Variants in TMEM164 observed in about 807,000 individuals in gnomAD.
TMEM164 encodes the protein RP13-360B22.2.
Under a neutral mutation model 18.8 loss-of-function variants are expected in TMEM164, and 4 were observed. That is an observed-to-expected ratio of 0.21 (90% confidence interval 0.10 to 0.49). The LOEUF is 0.49. Ranked by LOEUF, TMEM164 falls within the 20% of genes least tolerant of loss-of-function variation. TMEM164 has a pLI of 0.98. For missense variants in TMEM164, 108 were observed against 239.9 expected, an observed-to-expected ratio of 0.45 and a Z score of 3.63; for synonymous variants, 86 against 101.7, an observed-to-expected ratio of 0.85 and a Z score of 0.93.
chrX:110,037,499 T>C (rs1602511844), intron 2 of TMEM164, among the ~76,000 whole-genome samples: 1 of 112,093 alleles, frequency 8.9e-6, no homozygotes, highest in East Asian at 2.8e-4. Flanking sequence ...AGCTTCCAGT[T>C]ATTGTGTGCC....
intron 2 of TMEM164, among the ~76,000 whole-genome samples, chrX:110,030,013 T>C (rs1258739688): frequency 2.8e-5 from 3 of 109,032 alleles, no homozygotes; most frequent in African/African-American, 1.0e-4. Flanking sequence ...AAATTAGAAA[T>C]ATAGAAATAT....
At chrX:110,115,914 C>T (rs1235845070) in intron 4 of TMEM164, among the ~76,000 whole-genome samples, 2 of 110,945 alleles carry the variant, frequency 1.8e-5, no homozygotes, top group East Asian at 5.6e-4. Context: ...ACATATAAGA[C>T]CCTGTCTTTA....
chrX:110,005,698 G>C (rs1182909639), intron 2 of TMEM164, among the ~76,000 whole-genome samples: 1 of 112,312 alleles, frequency 8.9e-6, no homozygotes, highest in Non-Finnish European at 1.9e-5. Context: ...GTCCCAGCTA[G>C]ACCTTCTGTG....
intron 5 of TMEM164, among the ~76,000 whole-genome samples, chrX:110,156,586 T>TA (rs1334422863): frequency 5.4e-5 from 6 of 111,308 alleles, no homozygotes; most frequent in African/African-American, 9.8e-5. Context: ...GAGAGTGTCT[T>TA]AGTCTTTTTG....
At chrX:110,065,058 C>A (rs1440752066) in intron 2 of TMEM164, 1 of 104,442 alleles carries the variant, frequency 9.6e-6, no homozygotes, top group Non-Finnish European at 1.9e-5. Context: ...TAGAAATAGG[C>A]AAGACAGAAA....
At chrX:110,032,519 G>A (rs1046936424) in intron 2 of TMEM164, among the ~76,000 whole-genome samples, 2 of 111,212 alleles carry the variant, frequency 1.8e-5, no homozygotes, top group African/African-American at 6.5e-5. Flanking sequence ...GAAAAGCATA[G>A]AAAAGCAGAA....
At chrX:110,177,877 C>G (rs2148150467), downstream of TMEM164, 1 of 112,580 alleles carries the variant, frequency 8.9e-6, no homozygotes, top group African/African-American at 3.2e-5. Context: ...GCCCTCCGTA[C>G]TGTGGAAGAC....
intron 3 of TMEM164, among the ~76,000 whole-genome samples, chrX:110,088,244 A>C (rs1006768180): frequency 5.4e-5 from 6 of 111,757 alleles, no homozygotes; most frequent in African/African-American, 2.0e-4. Flanking sequence ...TGATTTTAGC[A>C]TCTCAGTACC....
At chrX:110,051,906 A>G (rs1357557288) in intron 2 of TMEM164, among the ~76,000 whole-genome samples, 2 of 112,402 alleles carry the variant, frequency 1.8e-5, no homozygotes, top group Non-Finnish European at 3.8e-5. Context: ...ACAGATGTTC[A>G]TGATTCAAGC....
At chrX:110,139,733 G>C (rs1221134775) in intron 4 of TMEM164, among the ~76,000 whole-genome samples, 1 of 111,456 alleles carries the variant, frequency 9.0e-6, no homozygotes, top group Non-Finnish European at 1.9e-5. Context: ...GGAATGTACT[G>C]AAGGAAGTGA....
At chrX:110,160,635 T>C (rs1344377826) in intron 5 of TMEM164, among the ~76,000 whole-genome samples, 7 of 112,185 alleles carry the variant, frequency 6.2e-5, no homozygotes, top group African/African-American at 2.3e-4. Context: ...GCTTCAAGTC[T>C]GCTGGGAAAT....
At chrX:110,026,752 A>G (rs1269164074) in intron 2 of TMEM164, among the ~76,000 whole-genome samples, 1 of 112,025 alleles carries the variant, frequency 8.9e-6, no homozygotes, top group Non-Finnish European at 1.9e-5. Context: ...TAGGCAGTTC[A>G]GAGACCATAA....
intron 2 of TMEM164, among the ~76,000 whole-genome samples, chrX:110,038,100 C>T (rs1408996140): frequency 1.9e-5 from 2 of 105,343 alleles, no homozygotes; most frequent in Admixed American, 1.0e-4. Flanking sequence ...ACGCCATTCT[C>T]CTGCCTCAGC....
At chrX:110,121,248 G>C (rs1326157626) in intron 4 of TMEM164, among the ~76,000 whole-genome samples, 1 of 111,925 alleles carries the variant, frequency 8.9e-6, no homozygotes, top group East Asian at 2.8e-4. Context: ...ACAATTCAGT[G>C]GTTTTTAATA....
chrX:110,137,840 C>T (rs1388440947), intron 4 of TMEM164, among the ~76,000 whole-genome samples: 1 of 112,152 alleles, frequency 8.9e-6, no homozygotes, highest in Non-Finnish European at 1.9e-5. Flanking sequence ...TTTTGGTCAA[C>T]AGTATGAAAG....
At chrX:110,057,059 T>C (rs1935874057) in intron 2 of TMEM164, among the ~76,000 whole-genome samples, 1 of 110,863 alleles carries the variant, frequency 9.0e-6, no homozygotes, top group Non-Finnish European at 1.9e-5. Context: ...TCTATTCTTA[T>C]AGCAAATTTT....
intron 2 of TMEM164, among the ~76,000 whole-genome samples, chrX:110,048,172 G>A (rs749861191): frequency 9.1e-6 from 1 of 109,292 alleles, no homozygotes; most frequent in East Asian, 2.8e-4. Context: ...CCAGGCAAAA[G>A]GAACTACTTT....
At chrX:110,124,265 G>A (rs906144821) in intron 4 of TMEM164, among the ~76,000 whole-genome samples, 4 of 110,526 alleles carry the variant, frequency 3.6e-5, no homozygotes, top group East Asian at 2.8e-4. Context: ...GAGGGAGGGA[G>A]AAAGGTACAT....
chrX:110,162,211 A>G (rs1316714371), intron 5 of TMEM164, among the ~76,000 whole-genome samples: 2 of 112,988 alleles, frequency 1.8e-5, no homozygotes, highest in Non-Finnish European at 3.7e-5. Flanking sequence ...AAGGTCACAC[A>G]GCAGCTTGGT....
Sources: gnomAD v4.1 joint callset for allele counts (sites outside exome capture counted in the v4.1 genomes callset) on GRCh38, gnomAD v4.1.1 for gene constraint, MANE v1.5 for transcripts, NCBI Gene and HGNC (gene_info 2026-07-23, HGNC 2026-07-21) for gene names.